Variants in WWOX observed in about 807,000 individuals in gnomAD.
WWOX encodes the protein WW domain-containing oxidoreductase.
In WWOX, 69 loss-of-function variants were observed where a neutral mutation model predicts 46.2. That is an observed-to-expected ratio of 1.49 (90% CI 1.23 to 1.82). The LOEUF is 1.82. WWOX is among the 40% of genes most tolerant of loss of function. The probability of loss-of-function intolerance (pLI) is 0.00; values close to 1 mark genes in which losing one functional copy is unlikely to be tolerated. For synonymous variants in WWOX, 359 were observed against 202.6 expected (o/e 1.77, Z -6.56); for missense variants, 919 against 542.6 (o/e 1.69, Z -6.89).
At chr16:78,540,738 G>C (rs985288621) in intron 8 of WWOX, among the ~76,000 whole-genome samples, 30 of 152,000 alleles carry the variant, frequency 2.0e-4, no homozygotes, top group African/African-American at 6.8e-4. Context: ...CCCGGCTGCA[G>C]TGCAGTGACA....
At chr16:78,524,387 C>G (rs920800034) in intron 8 of WWOX, among the ~76,000 whole-genome samples, 1 of 95,072 alleles carries the variant, frequency 1.1e-5, no homozygotes, top group Non-Finnish European at 2.2e-5. Context: ...CTAGAGATTT[C>G]ATTTATTTAT....
intron 8 of WWOX, among the ~76,000 whole-genome samples, chr16:78,950,650 T>G (rs2046041786): frequency 6.6e-6 from 1 of 151,944 alleles, no homozygotes; most frequent in African/African-American, 2.4e-5. Flanking sequence ...GGGTAAGAAT[T>G]TTGAGGTGGA....
intron 8 of WWOX, among the ~76,000 whole-genome samples, chr16:79,176,291 A>T (rs547892862): frequency 9.8e-5 from 15 of 152,316 alleles, no homozygotes; most frequent in African/African-American, 3.6e-4. Flanking sequence ...GCAGCCACTT[A>T]GTGGTTCCAT....
intron 8 of WWOX, among the ~76,000 whole-genome samples, chr16:78,497,433 G>T (rs57272599): frequency 1.3e-5 from 2 of 152,052 alleles, no homozygotes; most frequent in African/African-American, 4.8e-5. Flanking sequence ...TATATGAACC[G>T]AAAAACAGGT....
intron 8 of WWOX, among the ~76,000 whole-genome samples, chr16:78,833,970 C>G (rs1465552013): frequency 6.6e-6 from 1 of 152,222 alleles, no homozygotes; most frequent in East Asian, 1.9e-4. Flanking sequence ...TGGCTTCAGC[C>G]TCATTGTCTT....
At chr16:78,468,140 C>A (rs1433812439) in intron 8 of WWOX, among the ~76,000 whole-genome samples, 2 of 152,106 alleles carry the variant, frequency 1.3e-5, no homozygotes, top group Admixed American at 6.6e-5. Context: ...CCAAGAACTA[C>A]CTTTACACTG....
chr16:79,052,590 A>C (rs995151306), intron 8 of WWOX, among the ~76,000 whole-genome samples: 1 of 152,224 alleles, frequency 6.6e-6, no homozygotes, highest in African/African-American at 2.4e-5. Context: ...TCTTTTAAAA[A>C]GTTCTAAGTT....
chr16:78,520,953 CAG>C (rs1567619589), intron 8 of WWOX, among the ~76,000 whole-genome samples: 1 of 152,094 alleles, frequency 6.6e-6, no homozygotes, highest in Non-Finnish European at 1.5e-5. Context: ...GTGCTGGGGT[CAG>C]GGGTGCTGGT....
Position 78,656,283 on chromosome 16 carries a change from G to A in WWOX, c.1056+223531G>A, listed in dbSNP as rs189581654. ...TGCTATCTGATGAGGCCTTTTTTGGGATCACCCACTCCAACATGCATGTCC... is the reference window on the plus strand; with the variant it reads ...TGCTATCTGATGAGGCCTTTTTTGGAATCACCCACTCCAACATGCATGTCC... On this transcript the variant is annotated intron_variant, in intron 8 of 8. Transcript: ENST00000566780. Among the ~76,000 whole-genome samples the A allele has an allele frequency of 2.6e-3, 388 of 151,998 alleles. 5 individuals are homozygous for A. The highest frequency in any genetic ancestry group is 9.0e-3 in the African/African-American group (371 of 41,440).
intron 8 of WWOX, among the ~76,000 whole-genome samples, chr16:79,003,938 G>A (rs1186440281): frequency 6.6e-6 from 1 of 152,102 alleles, no homozygotes; most frequent in East Asian, 1.9e-4. Context: ...CACTGTCCTG[G>A]GGCCTTTGCT....
chr16:78,914,055 A>C (rs545820370), intron 8 of WWOX, among the ~76,000 whole-genome samples: 1 of 152,206 alleles, frequency 6.6e-6, no homozygotes, highest in East Asian at 1.9e-4. Context: ...AGATTTGACA[A>C]CTGCATTTGG....
chr16:78,943,356 C>G (rs1448396832), intron 8 of WWOX, among the ~76,000 whole-genome samples: 1 of 152,180 alleles, frequency 6.6e-6, no homozygotes, highest in Admixed American at 6.5e-5. Context: ...CAAGATTACA[C>G]TCTTATTCAC....
At chr16:79,198,620 G>A (rs2051287550) in intron 8 of WWOX, among the ~76,000 whole-genome samples, 2 of 152,178 alleles carry the variant, frequency 1.3e-5, no homozygotes, top group South Asian at 4.1e-4. Flanking sequence ...TGTGGCTCAG[G>A]ATGCTTAGTA....
At chr16:78,178,632 G>T (rs1042773655) in intron 5 of WWOX, among the ~76,000 whole-genome samples, 1 of 152,158 alleles carries the variant, frequency 6.6e-6, no homozygotes, top group Non-Finnish European at 1.5e-5. Context: ...TTGGGAGGCC[G>T]AGGCGGGTGG....
intron 8 of WWOX, among the ~76,000 whole-genome samples, chr16:79,021,290 C>T (rs761406465): frequency 8.5e-5 from 13 of 152,108 alleles, no homozygotes; most frequent in Non-Finnish European, 1.3e-4. Flanking sequence ...GGGTAAGGCA[C>T]GCAGGATGCA....
chr16:79,025,142 T>TTGTTC (rs1391261347), intron 8 of WWOX, among the ~76,000 whole-genome samples: 58 of 152,300 alleles, frequency 3.8e-4, no homozygotes, highest in African/African-American at 1.3e-3. Flanking sequence ...TTGTTTTGTT[T>TTGTTC]TGCTTGTTGA....
At chr16:78,964,638 C>T (rs1036521913) in intron 8 of WWOX, among the ~76,000 whole-genome samples, 3 of 152,210 alleles carry the variant, frequency 2.0e-5, no homozygotes, top group African/African-American at 7.2e-5. Flanking sequence ...GGGAGAAATT[C>T]AAGCTGGCTG....
intron 8 of WWOX, among the ~76,000 whole-genome samples, chr16:78,932,132 C>G (rs1441242859): frequency 6.6e-6 from 1 of 152,172 alleles, no homozygotes; most frequent in Admixed American, 6.5e-5. Flanking sequence ...AGCATGAGAA[C>G]AAACTAATAC....
chr16:78,871,202 A>G (rs1473512514), intron 8 of WWOX, among the ~76,000 whole-genome samples: 2 of 148,924 alleles, frequency 1.3e-5, no homozygotes, highest in Non-Finnish European at 3.0e-5. Flanking sequence ...TGAGGCAATC[A>G]GGGGTAAAAA....
Sources: gnomAD v4.1 joint callset for allele counts (sites outside exome capture counted in the v4.1 genomes callset) on GRCh38, gnomAD v4.1.1 for gene constraint, MANE v1.5 for transcripts, NCBI Gene and HGNC (gene_info 2026-07-23, HGNC 2026-07-21) for gene names.